The following RHAG variants were observed in gnomAD, a reference collection of about 807,000 sequenced individuals.
RHAG encodes the protein ammonium transporter Rh type A.
RHAG carries 25 observed loss-of-function variants against 42.4 expected under a neutral mutation model. The observed-to-expected ratio is 0.59, with a 90% CI of 0.43 to 0.82. The LOEUF is 0.82. Among genes scored for constraint, RHAG ranks in the 40% least tolerant of loss-of-function variants. RHAG has a pLI of 0.00. For missense variants in RHAG, 483 were observed against 504.6 expected (o/e 0.96, Z 0.41); for synonymous variants, 182 against 177.7 (o/e 1.02, Z -0.19).
chr6:49,623,948 G>T (rs969414802), intron 1 of RHAG, among the ~76,000 whole-genome samples: 1 of 152,114 alleles, frequency 6.6e-6, no homozygotes, highest in Non-Finnish European at 1.5e-5. Context: ...ATAGCAGCGG[G>T]GAGGGAACCA....
At chr6:49,624,132 C>G (rs1304962099) in intron 1 of RHAG, among the ~76,000 whole-genome samples, 1 of 152,196 alleles carries the variant, frequency 6.6e-6, no homozygotes, top group Non-Finnish European at 1.5e-5. Context: ...CTACACTGTT[C>G]TTAGCGTTCC....
Position 49,636,709 on chromosome 6 carries a change from T to G in RHAG, c.104A>C (p.Gln35Pro). 6.2e-7 allele frequency: 1 copy of G among 1,614,022 alleles called. No homozygotes were observed. The highest frequency in any genetic ancestry group is 8.5e-7 in the Non-Finnish European group (1 of 1,179,870). Residue 35 changes from glutamine (Q) to proline (P), a missense_variant, in exon 1 of 10, where the codon CAG becomes CCG. By Grantham distance (76) the Gln-to-Pro change is moderately conservative. Transcript: ENST00000371175. Reference sequence around the variant, plus strand: ...GTCTGTTGGCTTGGTGATGTTGAGCTGCTCGAGAACAGTCTGGTCCGTTTC... The same window carrying G: ...GTCTGTTGGCTTGGTGATGTTGAGCGGCTCGAGAACAGTCTGGTCCGTTTC... ...EYETDQTVLE[Q>P]LNITKPTDMG...
At position 49,605,758 on chromosome 6, in the gene RHAG, A is replaced by C; in HGVS notation, c.*55T>G. ...AAGCTGGAGAGCAGGAATGGTGTTT[A>C]GACTTCAGGTTCCAGCTGGCTGTGG... is the stretch of plus-strand genomic sequence containing the variant. On this transcript the variant is annotated 3_prime_UTR_variant, in exon 10 of 10. Coordinates refer to ENST00000371175, the MANE Select transcript of RHAG (RefSeq NM_000324.3). The C allele has an allele frequency of 6.6e-7, 1 of 1,520,586 alleles. No individual in the cohort carries two copies. The highest frequency in any genetic ancestry group is 9.1e-7 in the Non-Finnish European group (1 of 1,094,724). 94.2% of individuals were successfully genotyped at this position (1,520,586 alleles called of 1,614,324 possible).
At chr6:49,632,135 G>A (rs1364506336) in intron 1 of RHAG, 5 of 152,246 alleles carry the variant, frequency 3.3e-5, no homozygotes, top group Admixed American at 2.6e-4. Flanking sequence ...TGTATGACAT[G>A]TCTTTTTAAT....
chr6:49,618,556 G>C (rs1322277444), intron 2 of RHAG, among the ~76,000 whole-genome samples: 1 of 152,180 alleles, frequency 6.6e-6, no homozygotes, highest in African/African-American at 2.4e-5. Context: ...TTTGCTCCCT[G>C]TAGCTGAGAT....
In RHAG at chr6:49,612,413, C is replaced by A; in HGVS notation, c.929G>T (p.Gly310Val). The change falls in exon 6 of 10, where the codon GGA (glycine) becomes GTA (valine). Residue 310 changes from glycine to valine, a missense_variant. Physicochemically the swap from Gly to Val is moderately radical, Grantham distance 109. Coordinates refer to ENST00000371175, the MANE Select transcript of RHAG (RefSeq NM_000324.3). ...TGTACTTACAGTCAGGAACTTGTATCCAAGCACAGAGACCATTCCTGCAAT... is the reference window on the plus strand; with the variant it reads ...TGTACTTACAGTCAGGAACTTGTATACAAGCACAGAGACCATTCCTGCAAT... ...GSIAGMVSVL[G>V]YKFLTPLFTT... 1 of 1,614,124 alleles carries A rather than the reference C, an allele frequency of 6.2e-7. No homozygotes were observed. The highest frequency in any genetic ancestry group is 8.5e-7 in the Non-Finnish European group (1 of 1,180,014).
chr6:49,624,325 C>T (rs1172488488), intron 1 of RHAG, among the ~76,000 whole-genome samples: 1 of 152,208 alleles, frequency 6.6e-6, no homozygotes, highest in Admixed American at 6.5e-5. Flanking sequence ...CCTGTCTCAG[C>T]CTCCCGAGTA....
intron 6 of RHAG, 72 bp downstream of exon 6, chr6:49,612,325 T>G: frequency 6.5e-7 from 1 of 1,527,794 alleles, no homozygotes; most frequent in East Asian, 2.3e-5. Flanking sequence ...AGTAGCTTTT[T>G]TTCTGCTGGT....
chr6:49,624,022 C>T (rs540030598), intron 1 of RHAG, among the ~76,000 whole-genome samples: 1 of 152,098 alleles, frequency 6.6e-6, no homozygotes, highest in African/African-American at 2.4e-5. Context: ...CATAGCAACT[C>T]AGTGTTTTTA....
At chr6:49,631,845 A>T in intron 1 of RHAG, 1 of 152,248 alleles carries the variant, frequency 6.6e-6, no homozygotes, top group East Asian at 1.9e-4. Context: ...TTATCATGAC[A>T]ATTCCAGGTA....
At position 49,612,458 on chromosome 6, in the gene RHAG, C is replaced by A. The variant is rs748961927; in HGVS notation, c.884G>T (p.Gly295Val). The A allele has an allele frequency of 4.3e-6, 7 of 1,614,030 alleles. No homozygotes were observed. The highest frequency in any genetic ancestry group is 3.3e-4 in the Middle Eastern group (2 of 6,060). Residue 295 changes from glycine (G) to valine (V), a missense_variant, in exon 6 of 10, where the codon GGT (glycine) becomes GTT (valine). Coordinates refer to ENST00000371175, the MANE Select transcript of RHAG (RefSeq NM_000324.3). ...TGCAATGCTCCCAATAATCATAGAA[C>A]CAAATGGGTGAATTGCCATATCCGC... Reference protein sequence around the residue: ...TCADMAIHPFGSMIIGSIAGM... With the variant: ...TCADMAIHPFVSMIIGSIAGM...
chr6:49,608,364 A>C (rs944788560), intron 7 of RHAG, among the ~76,000 whole-genome samples: 9 of 152,304 alleles, frequency 5.9e-5, no homozygotes, highest in East Asian at 1.9e-4. Flanking sequence ...AGAAATGAGA[A>C]TATTAGTAAA....
chr6:49,605,735 G>C lies in RHAG; in HGVS notation c.*78C>G, dbSNP rs752516336. ...TTGATTCTGGATAATGGGAAAGGAA[G>C]CTGGAGAGCAGGAATGGTGTTTAGA... On this transcript the variant is annotated 3_prime_UTR_variant, in exon 10 of 10. Transcript: ENST00000371175. 5.5e-6 allele frequency: 7 copies of C among 1,277,972 alleles called. No homozygotes were observed. In the Admixed American group the frequency reaches 1.2e-4, roughly 21 times the overall value. 79.2% of individuals were successfully genotyped at this position (1,277,972 alleles called of 1,614,324 possible). A position where few individuals can be genotyped will look rare whatever the true frequency, so the allele number is the denominator to read the frequency against.
At chr6:49,629,689 C>A (rs1411365280) in intron 1 of RHAG, among the ~76,000 whole-genome samples, 1 of 152,204 alleles carries the variant, frequency 6.6e-6, no homozygotes, top group African/African-American at 2.4e-5. Context: ...CCGAGCCCTG[C>A]CCCACGGGAA....
intron 1 of RHAG, among the ~76,000 whole-genome samples, chr6:49,620,704 G>C (rs2127354415): frequency 6.6e-6 from 1 of 152,192 alleles, no homozygotes; most frequent in African/African-American, 2.4e-5. Flanking sequence ...GATAATCTTT[G>C]TATTTTTGTA....
At chr6:49,618,307 C>T in intron 2 of RHAG, 89 bp from the exon 3 acceptor site, 1 of 1,380,420 alleles carries the variant, frequency 7.2e-7, no homozygotes, top group East Asian at 2.3e-5. Flanking sequence ...CAGGCACATC[C>T]AGTGCTTCCC....
intron 1 of RHAG, among the ~76,000 whole-genome samples, chr6:49,628,275 G>T (rs1762874382): frequency 6.6e-6 from 1 of 151,840 alleles, no homozygotes; most frequent in South Asian, 2.1e-4. Flanking sequence ...TGAGTAGCTG[G>T]GATTACAGGT....
chr6:49,618,364 C>G, intron 2 of RHAG, 146 bp from the exon 3 acceptor site: 1 of 795,474 alleles, frequency 1.3e-6, no homozygotes. Context: ...TCTTTTTGAC[C>G]AGACACTCTT....
chr6:49,606,588 T>G, intron 9 of RHAG: 1 of 417,900 alleles, frequency 2.4e-6, no homozygotes, highest in Non-Finnish European at 4.2e-6. Flanking sequence ...ACACTTGACA[T>G]CCCATTGAAA....
Sources: allele counts gnomAD v4.1 joint callset (sites outside exome capture counted in the v4.1 genomes callset), GRCh38; gene constraint gnomAD v4.1.1; transcripts MANE v1.5; gene names NCBI Gene and HGNC (gene_info 2026-07-23, HGNC 2026-07-21).